Variants in SPAG16 observed in about 807,000 individuals in gnomAD.
SPAG16 encodes the protein sperm-associated antigen 16 protein.
SPAG16 carries 86 observed loss-of-function variants against 80.4 expected under a neutral mutation model. The observed-to-expected ratio is 1.07, with a 90% CI of 0.90 to 1.28. SPAG16 has a LOEUF of 1.28. Among genes scored for constraint, SPAG16 ranks in the 50% most tolerant of loss-of-function variants. The pLI, the probability that SPAG16 is intolerant of heterozygous loss-of-function variation, is 0.00. For missense variants in SPAG16, 870 were observed against 765.3 expected (o/e 1.14, Z -1.61); for synonymous variants, 294 against 265.9 (o/e 1.11, Z -1.03).
At chr2:214,252,160 G>A (rs555786749) in intron 15 of SPAG16, among the ~76,000 whole-genome samples, 28 of 152,098 alleles carry the variant, frequency 1.8e-4, no homozygotes, top group Admixed American at 7.2e-4. Context: ...TTGGAACCAC[G>A]TTTGTTTCCC....
intron 3 of SPAG16, among the ~76,000 whole-genome samples, chr2:213,302,049 A>G (rs1311105517): frequency 6.6e-6 from 1 of 152,154 alleles, no homozygotes; most frequent in Non-Finnish European, 1.5e-5. Context: ...TCATAACACA[A>G]TATAGAATCC....
intron 10 of SPAG16, among the ~76,000 whole-genome samples, chr2:213,714,745 G>A (rs570585265): frequency 4.6e-5 from 7 of 152,240 alleles, no homozygotes; most frequent in African/African-American, 1.7e-4. Context: ...GGAAAACTGA[G>A]GCACACAGTT....
chr2:213,870,646 A>G (rs2075910364), intron 11 of SPAG16, among the ~76,000 whole-genome samples: 3 of 152,144 alleles, frequency 2.0e-5, no homozygotes, highest in African/African-American at 7.2e-5. Context: ...GTTCCACGAG[A>G]AAATATATAT....
chr2:213,945,779 T>C (rs2079425653), intron 12 of SPAG16, among the ~76,000 whole-genome samples: 1 of 152,152 alleles, frequency 6.6e-6, no homozygotes, highest in South Asian at 2.1e-4. Context: ...ACATTAGATC[T>C]GACGGCAACT....
chr2:213,294,128 C>G (rs921616568), intron 1 of SPAG16, among the ~76,000 whole-genome samples: 3 of 152,180 alleles, frequency 2.0e-5, no homozygotes, highest in African/African-American at 4.8e-5. Context: ...ATGTCTGTTT[C>G]TGTAGAGTTG....
At chr2:214,079,657 C>T (rs1358049305) in intron 13 of SPAG16, among the ~76,000 whole-genome samples, 6 of 152,148 alleles carry the variant, frequency 3.9e-5, no homozygotes, top group East Asian at 1.9e-4. Context: ...AGTTTTCTAC[C>T]GGCAAGATGA....
At chr2:213,887,185 A>G (rs7422050) in intron 11 of SPAG16, among the ~76,000 whole-genome samples, 36,818 of 151,914 alleles carry the variant, frequency 0.24, 5,102 homozygotes, top group South Asian at 0.38. Flanking sequence ...CTGGCATCAT[A>G]CTTTTAACTA....
intron 9 of SPAG16, among the ~76,000 whole-genome samples, chr2:213,431,960 T>C (rs962406246): frequency 2.0e-5 from 3 of 152,060 alleles, no homozygotes; most frequent in South Asian, 2.1e-4. Context: ...CTTGAAACTA[T>C]AGAAATACAT....
At chr2:214,091,362 C>A (rs142001917) in intron 13 of SPAG16, among the ~76,000 whole-genome samples, 41 of 152,086 alleles carry the variant, frequency 2.7e-4, no homozygotes, top group African/African-American at 7.2e-4. Flanking sequence ...ACTTACCAAG[C>A]TGGGAAAGTC....
At chr2:213,289,916 C>T (rs2062201922) in intron 1 of SPAG16, among the ~76,000 whole-genome samples, 1 of 152,210 alleles carries the variant, frequency 6.6e-6, no homozygotes, top group Non-Finnish European at 1.5e-5. Context: ...TACTTTGCTG[C>T]TCACATCTGA....
At chr2:213,424,971 T>A (rs1029891405) in intron 9 of SPAG16, among the ~76,000 whole-genome samples, 2 of 151,910 alleles carry the variant, frequency 1.3e-5, no homozygotes, top group African/African-American at 4.8e-5. Context: ...CTGTCAGGAG[T>A]GTGTCTAGTG....
intron 10 of SPAG16, among the ~76,000 whole-genome samples, chr2:213,738,097 A>C (rs185069263): frequency 1.3e-5 from 2 of 152,344 alleles, no homozygotes; most frequent in Admixed American, 1.3e-4. Context: ...ATTGCCTTAC[A>C]GTGCAAGATA....
At chr2:213,366,713 A>G (rs1349607428) in intron 8 of SPAG16, among the ~76,000 whole-genome samples, 1 of 152,202 alleles carries the variant, frequency 6.6e-6, no homozygotes, top group African/African-American at 2.4e-5. Context: ...GTGGGGACAC[A>G]GCCCAAACCA....
At chr2:214,408,254 C>T (rs902356531) in intron 15 of SPAG16, among the ~76,000 whole-genome samples, 2 of 151,892 alleles carry the variant, frequency 1.3e-5, no homozygotes, top group East Asian at 3.9e-4. Context: ...TTTGGTTTCA[C>T]AAATAGAAAT....
intron 10 of SPAG16, among the ~76,000 whole-genome samples, chr2:213,636,035 TAA>T (rs2062349401): frequency 6.6e-6 from 1 of 152,214 alleles, no homozygotes; most frequent in Middle Eastern, 3.2e-3. Context: ...AGCCAATGTC[TAA>T]AAGAGTTTTT....
intron 9 of SPAG16, among the ~76,000 whole-genome samples, chr2:213,436,380 A>T (rs536165738): frequency 5.3e-5 from 8 of 152,296 alleles, no homozygotes; most frequent in African/African-American, 1.9e-4. Context: ...TATGGCAAGC[A>T]ATGGGGATTT....
At chr2:213,462,485 T>A (rs2072432374) in intron 9 of SPAG16, among the ~76,000 whole-genome samples, 1 of 151,628 alleles carries the variant, frequency 6.6e-6, no homozygotes, top group Non-Finnish European at 1.5e-5. Flanking sequence ...CTAGACTGTG[T>A]CCCTACCCAA....
intron 15 of SPAG16, among the ~76,000 whole-genome samples, chr2:214,237,780 A>AT (rs1424978977): frequency 1.3e-5 from 2 of 152,018 alleles, no homozygotes; most frequent in Non-Finnish European, 1.5e-5. Context: ...CACAAGGTAA[A>AT]ATATATAGTA....
intron 3 of SPAG16, among the ~76,000 whole-genome samples, chr2:213,298,942 A>G (rs1353550772): frequency 6.6e-6 from 1 of 152,166 alleles, no homozygotes; most frequent in Non-Finnish European, 1.5e-5. Context: ...TCATAAGCAT[A>G]TTAGTTATAT....
Sources: gnomAD v4.1 joint callset for allele counts (sites outside exome capture counted in the v4.1 genomes callset) on GRCh38, gnomAD v4.1.1 for gene constraint, MANE v1.5 for transcripts, NCBI Gene and HGNC (gene_info 2026-07-23, HGNC 2026-07-21) for gene names.